Variants in PXDN observed in about 807,000 individuals in gnomAD.
PXDN encodes peroxidasin.
Under a neutral mutation model 140.3 loss-of-function variants are expected in PXDN, and 77 were observed. The ratio of observed to expected loss-of-function variants is 0.55; its 90% CI spans 0.46 to 0.66. PXDN has a LOEUF of 0.66. Among genes scored for constraint, PXDN ranks in the 30% least tolerant of loss-of-function variants. The pLI is 0.00. For missense variants in PXDN, 1,838 were observed against 2,039.5 expected, an observed-to-expected ratio of 0.90 and a Z score of 1.90; for synonymous variants, 911 against 857.4, an observed-to-expected ratio of 1.06 and a Z score of -1.09.
Position 1,687,567 on chromosome 2 carries a change from C to A in PXDN, c.416+65G>T. On this transcript the variant is annotated intron_variant, in intron 4 of 22. Coordinates refer to ENST00000252804, the MANE Select transcript of PXDN (RefSeq NM_012293.3). This position sits in a 1 kb window ranked among gnomAD's most constrained non-coding sequence, Gnocchi z 4.0. The stretch of plus-strand genomic sequence containing the variant: ...CAAACAGCTAGCTCACTCCACTGGT[C>A]CCTACAAGAGGAAAACAGCCAGACG... The A allele has an allele frequency of 2.3e-6, 3 of 1,281,678 alleles. No homozygotes were observed. The highest frequency in any genetic ancestry group is 1.5e-5 in the South Asian group (1 of 67,348). The allele number at this position is 1,281,678 out of a possible 1,614,324, so 79.4% of individuals were successfully genotyped here.
chr2:1,648,124 C>A lies in PXDN; in HGVS notation c.3608+48G>T. On this transcript the variant is annotated intron_variant, in intron 17 of 22. Coordinates refer to ENST00000252804, the MANE Select transcript of PXDN (RefSeq NM_012293.3). The surrounding 1 kb of genome is among the most constrained non-coding windows in gnomAD (Gnocchi z 8.9). ...ACACACACACCACAGTTCAGGTGTT[C>A]CAGGTGCCTAGGTACACGAGCCATC... 1.3e-6 allele frequency: 2 copies of A among 1,576,218 alleles called. No homozygotes were observed. Among genetic ancestry groups the A allele is most frequent in the South Asian group, 2.3e-5 (2 of 85,168 alleles).
intron 1 of PXDN, among the ~76,000 whole-genome samples, chr2:1,718,367 TCTA>T (rs1239085915): frequency 1.3e-5 from 2 of 152,206 alleles, no homozygotes; most frequent in South Asian, 2.1e-4. Context: ...ATTAACCTAC[TCTA>T]CTAACTTACC....
At chr2:1,655,139 C>T (rs544063954) in intron 14 of PXDN, among the ~76,000 whole-genome samples, 8 of 149,086 alleles carry the variant, frequency 5.4e-5, no homozygotes, top group Non-Finnish European at 1.0e-4. Flanking sequence ...ACATGCACGC[C>T]ACACACAGAT....
rs1682901917 is a variant in PXDN at position 1,648,275 on chromosome 2, G to A, written c.3505C>T (p.Pro1169Ser). 1 of 1,613,984 alleles carries A rather than the reference G, an allele frequency of 6.2e-7. No homozygotes were observed. Among genetic ancestry groups the A allele is most frequent in the Non-Finnish European group, 8.5e-7 (1 of 1,179,888 alleles). The change falls in exon 17 of 23, where the codon CCC becomes TCC. Residue 1169 changes from proline (P) to serine (S), a missense_variant. Physicochemically the swap from Pro to Ser is moderately conservative, Grantham distance 74. Transcript: ENST00000252804. This position sits in a 1 kb window ranked among gnomAD's most constrained non-coding sequence, Gnocchi z 8.9. ...IQRGRDHGIP[P>S]YHDYRVYCNL... ...CAGTAGACCCTGTAGTCGTGGTAGG[G>A]TGGGATCCCGTGGTCCCGGCCCCGC...
chr2:1,744,530 G>A, upstream of PXDN: 1 of 1,249,140 alleles, frequency 8.0e-7, no homozygotes, highest in Non-Finnish European at 1.0e-6. Context: ...GCCCGGCCGC[G>A]GCCCACGTCC....
intron 1 of PXDN, among the ~76,000 whole-genome samples, chr2:1,713,088 T>G (rs1437945816): frequency 6.6e-6 from 1 of 152,140 alleles, no homozygotes; most frequent in Non-Finnish European, 1.5e-5. Flanking sequence ...AGTAAATGAA[T>G]GAGTCACACA....
chr2:1,733,540 G>A (rs988782541), intron 1 of PXDN, among the ~76,000 whole-genome samples: 1 of 152,060 alleles, frequency 6.6e-6, no homozygotes, highest in East Asian at 1.9e-4. Flanking sequence ...TCAGGAGTTC[G>A]AGACCAGCAT....
At chr2:1,656,173 C>G (rs930526773) in intron 14 of PXDN, among the ~76,000 whole-genome samples, 1 of 152,062 alleles carries the variant, frequency 6.6e-6, no homozygotes, top group Non-Finnish European at 1.5e-5. Context: ...GAAACACACA[C>G]ACACAGAATC....
intron 1 of PXDN, among the ~76,000 whole-genome samples, chr2:1,734,230 A>T (rs2125492829): frequency 1.3e-5 from 2 of 152,382 alleles, no homozygotes; most frequent in South Asian, 2.1e-4. Context: ...TACATACAAA[A>T]GTTCTATTTT....
intron 14 of PXDN, among the ~76,000 whole-genome samples, chr2:1,658,009 A>C (rs1221234510): frequency 4.1e-5 from 3 of 72,406 alleles, no homozygotes; most frequent in Admixed American, 2.0e-4. Flanking sequence ...CCTCCTGAGC[A>C]CTCCATTTCA....
At chr2:1,637,760 C>T (rs189035748) in intron 21 of PXDN, among the ~76,000 whole-genome samples, 7,890 of 148,242 alleles carry the variant, frequency 0.053, 8 homozygotes, top group South Asian at 0.079. Flanking sequence ...GGAGGAGGAC[C>T]TGCCACACGC....
intron 1 of PXDN, among the ~76,000 whole-genome samples, chr2:1,695,128 G>A (rs1039881181): frequency 2.0e-5 from 3 of 152,238 alleles, no homozygotes; most frequent in South Asian, 2.1e-4. Context: ...AGGAGGCAGC[G>A]GCAACAGCGT....
At chr2:1,635,141 C>A (rs372478578) in intron 22 of PXDN, among the ~76,000 whole-genome samples, 1 of 151,054 alleles carries the variant, frequency 6.6e-6, no homozygotes, top group African/African-American at 2.5e-5. Context: ...ACACAAGCAG[C>A]CCCAGGTGGC....
intron 1 of PXDN, among the ~76,000 whole-genome samples, chr2:1,724,178 G>T (rs951035646): frequency 6.6e-6 from 1 of 152,174 alleles, no homozygotes; most frequent in African/African-American, 2.4e-5. Context: ...CTTCCTGCCT[G>T]AAAGTTGTTA....
chr2:1,744,548 G>C (rs1417582787), upstream of PXDN: 1 of 1,085,738 alleles, frequency 9.2e-7, no homozygotes, highest in East Asian at 3.6e-5. Context: ...TCCCAGCTGT[G>C]CGCGGGGGGC....
At chr2:1,640,746 G>C (rs906743679) in intron 19 of PXDN, among the ~76,000 whole-genome samples, 3 of 152,192 alleles carry the variant, frequency 2.0e-5, no homozygotes, top group Non-Finnish European at 2.9e-5. Context: ...AACACCTGGG[G>C]TCAAGAATGA....
intron 19 of PXDN, among the ~76,000 whole-genome samples, chr2:1,640,271 C>G (rs543131280): frequency 6.6e-6 from 1 of 152,038 alleles, no homozygotes; most frequent in African/African-American, 2.4e-5. Context: ...TACATCATCC[C>G]CACCCAAGAA....
At chr2:1,679,496 TGTGTGTGTGTATGTGC>T (rs1382276883) in intron 7 of PXDN, among the ~76,000 whole-genome samples, 6 of 146,938 alleles carry the variant, frequency 4.1e-5, no homozygotes, top group East Asian at 4.0e-4. Flanking sequence ...GTGTAAATGG[TGTGTGTGTGTATGTGC>T]GTGTGTGTGG....
intron 1 of PXDN, among the ~76,000 whole-genome samples, chr2:1,729,564 T>TGGGG (rs987021871): frequency 7.6e-6 from 1 of 131,344 alleles, no homozygotes; most frequent in African/African-American, 3.8e-5. Flanking sequence ...TACAGCAGGG[T>TGGGG]GGGGGAGGGG....
Sources: gnomAD v4.1 joint callset for allele counts (sites outside exome capture counted in the v4.1 genomes callset) on GRCh38, gnomAD v4.1.1 for gene constraint, Gnocchi (gnomAD v3.1) non-coding constraint, MANE v1.5 for transcripts, NCBI Gene and HGNC (gene_info 2026-07-23, HGNC 2026-07-21) for gene names.